GRIK3: variants seen among roughly 807,000 people sequenced by gnomAD.
The protein encoded by GRIK3 is glutamate ionotropic receptor kainate type subunit 3.
GRIK3 carries 29 observed loss-of-function variants against 102.5 expected under a neutral mutation model. That is an observed-to-expected ratio of 0.28 (90% CI 0.21 to 0.39). The LOEUF (loss-of-function observed/expected upper bound fraction) is 0.39. Among genes scored for constraint, GRIK3 ranks in the 10% least tolerant of loss-of-function variants. The pLI, the probability that GRIK3 is intolerant of heterozygous loss-of-function variation, is 1.00. For synonymous variants in GRIK3, 511 were observed against 504.9 expected (o/e 1.01, Z -0.16); for missense variants, 908 against 1,252.4 (o/e 0.73, Z 4.15).
intron 1 of GRIK3, among the ~76,000 whole-genome samples, chr1:36,896,347 C>A (rs1641171191): frequency 6.6e-6 from 1 of 151,992 alleles, no homozygotes; most frequent in South Asian, 2.1e-4. Flanking sequence ...AAATGAATGA[C>A]AGCAATGATA....
At chr1:36,941,556 G>T (rs1036838637) in intron 1 of GRIK3, among the ~76,000 whole-genome samples, 1 of 152,138 alleles carries the variant, frequency 6.6e-6, no homozygotes, top group Non-Finnish European at 1.5e-5. Context: ...GTGGGGTGGA[G>T]GGGGGGAGTG....
chr1:36,859,782 G>T, intron 6 of GRIK3, 62 bp downstream of exon 6: 1 of 1,256,090 alleles, frequency 8.0e-7, no homozygotes, highest in Non-Finnish European at 1.2e-6. Context: ...AGAGGAAGGA[G>T]AGAAGAAAAG....
chr1:36,872,380 A>G lies in GRIK3; in HGVS notation c.551-11T>C. The G allele has an allele frequency of 2.5e-6, 4 of 1,573,644 alleles. No individual in the cohort carries two copies. The South Asian group carries it at 4.7e-5, about 18-fold the overall frequency. On this transcript the variant is annotated splice_polypyrimidine_tract_variant and intron_variant, in intron 3 of 15. Coordinates refer to ENST00000373091, the MANE Select transcript of GRIK3 (RefSeq NM_000831.4). The surrounding 1 kb of genome is among the most constrained non-coding windows in gnomAD (Gnocchi z 5.9). Reference sequence around the variant, plus strand: ...GCAGTCGGATGAGCCCTGAGGGGCCATGGAGCACAAAAGACACACGTGTAC... The same window carrying G: ...GCAGTCGGATGAGCCCTGAGGGGCCGTGGAGCACAAAAGACACACGTGTAC...
At position 36,887,687 on chromosome 1, in the gene GRIK3, C is replaced by T. The variant is rs572263884; in HGVS notation, c.292+3233G>A. 4.7e-5 allele frequency among the ~76,000 whole-genome samples: 7 copies of T among 148,914 alleles called. No homozygotes were observed. The South Asian group carries it at 8.5e-4, about 18-fold the overall frequency. On this transcript the variant is annotated intron_variant, in intron 2 of 15. Transcript: ENST00000373091. ...AGGAGAATTGCTTGAACCCAAGAGG[C>T]GGAGGTTGCAATGAGCTGAGGTGGC... is the stretch of plus-strand genomic sequence containing the variant.
chr1:37,019,639 C>T (rs1642690451), intron 1 of GRIK3, among the ~76,000 whole-genome samples: 1 of 152,222 alleles, frequency 6.6e-6, no homozygotes, highest in Non-Finnish European at 1.5e-5. Flanking sequence ...TCCCCTGACC[C>T]TATGTACTCT....
chr1:36,987,257 G>A (rs981055840), intron 1 of GRIK3, among the ~76,000 whole-genome samples: 5 of 151,792 alleles, frequency 3.3e-5, no homozygotes, highest in African/African-American at 7.3e-5. Flanking sequence ...ACTGAGGTTC[G>A]ATTCCATGTC....
chr1:36,960,885 ATGG>A (rs1157970516), intron 1 of GRIK3, among the ~76,000 whole-genome samples: 6 of 152,134 alleles, frequency 3.9e-5, no homozygotes, highest in Admixed American at 6.5e-5. Flanking sequence ...AGCTGGGGAG[ATGG>A]GGTGGGAGAC....
chr1:36,887,987 T>G (rs532383), intron 2 of GRIK3, among the ~76,000 whole-genome samples: 1 of 152,014 alleles, frequency 6.6e-6, no homozygotes, highest in Non-Finnish European at 1.5e-5. Context: ...CAGCTTTGGA[T>G]AACTGTTTAG....
intron 1 of GRIK3, among the ~76,000 whole-genome samples, chr1:36,922,740 C>G (rs1383222967): frequency 1.3e-5 from 2 of 152,202 alleles, no homozygotes; most frequent in Non-Finnish European, 2.9e-5. Flanking sequence ...GATGAGGAAA[C>G]AGGTTCCGGG....
chr1:36,899,620 C>T (rs2124281321), intron 1 of GRIK3, among the ~76,000 whole-genome samples: 1 of 152,118 alleles, frequency 6.6e-6, no homozygotes, highest in South Asian at 2.1e-4. Flanking sequence ...GATGGTTGCA[C>T]AACATTATGA....
At chr1:36,991,648 G>A (rs1642364760) in intron 1 of GRIK3, among the ~76,000 whole-genome samples, 1 of 152,194 alleles carries the variant, frequency 6.6e-6, no homozygotes, top group South Asian at 2.1e-4. Flanking sequence ...ACTCCAAAGG[G>A]AGCTCTTCCC....
intron 10 of GRIK3, among the ~76,000 whole-genome samples, chr1:36,837,712 T>C (rs1640397299): frequency 6.6e-6 from 1 of 152,066 alleles, no homozygotes; most frequent in African/African-American, 2.4e-5. Flanking sequence ...TTCCCCCTTC[T>C]CCAGCAGCAG....
intron 1 of GRIK3, among the ~76,000 whole-genome samples, chr1:37,028,796 T>C (rs1642790289): frequency 6.6e-6 from 1 of 152,236 alleles, no homozygotes; most frequent in African/African-American, 2.4e-5. Flanking sequence ...CTTGGGCAAG[T>C]GACGCCACCA....
chr1:36,994,206 T>C (rs959480190), intron 1 of GRIK3, among the ~76,000 whole-genome samples: 3 of 152,196 alleles, frequency 2.0e-5, no homozygotes, highest in African/African-American at 7.2e-5. Flanking sequence ...TAAAATATGT[T>C]ACCTCACCTC....
intron 9 of GRIK3, among the ~76,000 whole-genome samples, chr1:36,847,008 C>T (rs1354269556): frequency 6.6e-6 from 1 of 152,240 alleles, no homozygotes; most frequent in Non-Finnish European, 1.5e-5. Flanking sequence ...TCTCTCACTG[C>T]CCCATAGGGG....
intron 1 of GRIK3, among the ~76,000 whole-genome samples, chr1:36,953,474 T>C (rs534538111): frequency 9.4e-5 from 14 of 148,972 alleles, no homozygotes; most frequent in South Asian, 4.3e-4. Context: ...ATGATCAAAA[T>C]TGTAGATCTC....
chr1:36,925,936 A>C (rs1327073206), intron 1 of GRIK3, among the ~76,000 whole-genome samples: 1 of 152,050 alleles, frequency 6.6e-6, no homozygotes, highest in Non-Finnish European at 1.5e-5. Flanking sequence ...GAAAGTCATC[A>C]CTCACTAATT....
chr1:36,823,256 G>A (rs560411334), intron 11 of GRIK3, among the ~76,000 whole-genome samples: 97 of 152,162 alleles, frequency 6.4e-4, no homozygotes, highest in African/African-American at 2.1e-3. Context: ...GGTGGATCAT[G>A]AGGTCAGGAG....
At chr1:36,847,950 C>T (rs960177704) in intron 9 of GRIK3, among the ~76,000 whole-genome samples, 1 of 152,224 alleles carries the variant, frequency 6.6e-6, no homozygotes, top group African/African-American at 2.4e-5. Flanking sequence ...GGGTTCTCTG[C>T]TTTCCTAGCC....
Sources: gnomAD v4.1 joint callset for allele counts (sites outside exome capture counted in the v4.1 genomes callset) on GRCh38, gnomAD v4.1.1 for gene constraint, Gnocchi (gnomAD v3.1) non-coding constraint, MANE v1.5 for transcripts, NCBI Gene and HGNC (gene_info 2026-07-23, HGNC 2026-07-21) for gene names.